Variants in BRPF3 observed in about 807,000 individuals in gnomAD.
BRPF3 encodes the protein bromodomain and PHD finger-containing protein 3.
In BRPF3, 18 loss-of-function variants were observed where a neutral mutation model predicts 102.0. That is an observed-to-expected ratio of 0.18 (90% CI 0.12 to 0.26). The LOEUF (loss-of-function observed/expected upper bound fraction) is 0.26, where lower values mean the gene tolerates loss of function less well. Among genes scored for constraint, BRPF3 ranks in the 10% least tolerant of loss-of-function variants. BRPF3 has a pLI of 1.00. For synonymous variants in BRPF3, 570 were observed against 614.2 expected (o/e 0.93, Z 1.06); for missense variants, 1,147 against 1,567.8 (o/e 0.73, Z 4.53).
chr6:36,207,772 T>G (rs1245659801), intron 4 of BRPF3, among the ~76,000 whole-genome samples: 2 of 152,218 alleles, frequency 1.3e-5, no homozygotes, highest in Non-Finnish European at 2.9e-5. Flanking sequence ...ACCATTCTCA[T>G]GGGCATCATC....
At chr6:36,220,724 A>G (rs1768505369) in intron 9 of BRPF3, among the ~76,000 whole-genome samples, 1 of 152,230 alleles carries the variant, frequency 6.6e-6, no homozygotes. Context: ...ACTAAATCCT[A>G]AATGTAAACT....
At position 36,217,957 on chromosome 6, in the gene BRPF3, T is replaced by G; in HGVS notation, c.3030T>G (p.Ser1010=). 6.2e-7 allele frequency: 1 copy of G among 1,613,862 alleles called. No individual in the cohort carries two copies. The highest frequency in any genetic ancestry group is 1.1e-5 in the South Asian group (1 of 91,016). Residue 1010 remains serine, a synonymous_variant, in exon 9 of 13, where the codon TCT becomes TCG. Transcript: ENST00000357641. The part of the protein sequence containing the change: ...NGFGKHTESG[S]DSECSLGLSG... ...TTGGAAAACACACCGAAAGCGGGTC[T>G]GACTCTGAATGTAGTTTGGGTCTCA...
chr6:36,219,028 A>C (rs529945918), intron 9 of BRPF3, among the ~76,000 whole-genome samples: 109 of 152,264 alleles, frequency 7.2e-4, no homozygotes, highest in Non-Finnish European at 1.4e-3. Context: ...TCATGGCCCC[A>C]CCCATGACTG....
intron 3 of BRPF3, among the ~76,000 whole-genome samples, chr6:36,205,644 A>G (rs1462811339): frequency 6.6e-6 from 1 of 152,160 alleles, no homozygotes. Flanking sequence ...ACTTTGTCTA[A>G]GAGCTTCTCT....
chr6:36,201,201 C>T lies in BRPF3; in HGVS notation c.879C>T (p.Ala293=), dbSNP rs1209347277. The T allele has an allele frequency of 1.2e-5, 19 of 1,614,172 alleles. No homozygotes were observed. The highest frequency in any genetic ancestry group is 1.6e-5 in the Non-Finnish European group (19 of 1,180,038). Residue 293 remains alanine, a synonymous_variant, in exon 2 of 13, where the codon GCC becomes GCT. Coordinates refer to ENST00000357641, the MANE Select transcript of BRPF3 (RefSeq NM_015695.3). This position sits in a 1 kb window ranked among gnomAD's most constrained non-coding sequence, Gnocchi z 5.1. Reference sequence around the variant, plus strand: ...GGCACTGGGCCCATGTGGTGTGTGCCATCTGGATCCCTGAAGTCTGCTTTG... The same window carrying T: ...GGCACTGGGCCCATGTGGTGTGTGCTATCTGGATCCCTGAAGTCTGCTTTG... The part of the protein sequence containing the change: ...SDGHWAHVVC[A]IWIPEVCFAN...
intron 2 of BRPF3, among the ~76,000 whole-genome samples, chr6:36,204,201 G>A (rs1393287052): frequency 1.3e-5 from 2 of 152,196 alleles, no homozygotes; most frequent in Admixed American, 6.5e-5. Flanking sequence ...ATTGGGCTCA[G>A]CCTGGTTGTG....
At chr6:36,221,034 A>G (rs959238778) in intron 9 of BRPF3, among the ~76,000 whole-genome samples, 6 of 152,144 alleles carry the variant, frequency 3.9e-5, no homozygotes, top group African/African-American at 1.4e-4. Context: ...TTAAAGTTAT[A>G]TAGGAGTAAT....
chr6:36,231,779 C>T lies in BRPF3; in HGVS notation c.*1170C>T, dbSNP rs1206046358. 1.3e-5 allele frequency: 2 copies of T among 152,592 alleles called. No homozygotes were observed. The highest frequency in any genetic ancestry group is 2.4e-5 in the African/African-American group (1 of 41,416). 9.5% of individuals were successfully genotyped at this position (152,592 alleles called of 1,614,324 possible). On this transcript the variant is annotated 3_prime_UTR_variant, in exon 13 of 13. Coordinates refer to ENST00000357641, the MANE Select transcript of BRPF3 (RefSeq NM_015695.3). Reference sequence around the variant, plus strand: ...TCCTTCCTTCTTTCTCTTCAACCCCCTCCCCACCTTCACCTTCTCAAAAAT... The same window carrying T: ...TCCTTCCTTCTTTCTCTTCAACCCCTTCCCCACCTTCACCTTCTCAAAAAT...
intron 10 of BRPF3, among the ~76,000 whole-genome samples, chr6:36,224,800 G>C (rs1450614669): frequency 6.6e-6 from 1 of 152,156 alleles, no homozygotes; most frequent in African/African-American, 2.4e-5. Context: ...ACTATGGCCT[G>C]TAGCCTATTT....
At position 36,230,686 on chromosome 6, in the gene BRPF3, G is replaced by A. The variant is rs73415524; in HGVS notation, c.*77G>A. The stretch of plus-strand genomic sequence containing the variant: ...AGAGAAGCCTCTTCTGCCCCTGCCA[G>A]ATGTATGGCCGGCAGCTTCCCCCTC... On this transcript the variant is annotated 3_prime_UTR_variant, in exon 13 of 13. Transcript: ENST00000357641. The surrounding 1 kb of genome is among the most constrained non-coding windows in gnomAD (Gnocchi z 5.4). The A allele has an allele frequency of 6.7e-6, 10 of 1,500,036 alleles. No homozygotes were observed. Among genetic ancestry groups the A allele is most frequent in the Non-Finnish European group, 9.0e-6 (10 of 1,110,406 alleles). 92.9% of individuals were successfully genotyped at this position (1,500,036 alleles called of 1,614,324 possible). A position where few individuals can be genotyped will look rare whatever the true frequency, so the allele number is the denominator to read the frequency against.
Position 36,201,076 on chromosome 6 carries a change from G to A in BRPF3, c.754G>A (p.Gly252Ser), listed in dbSNP as rs1295488272. ...ECYGVPYIPEGQWLCRCCLQS... is the reference protein window; with the variant it reads ...ECYGVPYIPESQWLCRCCLQS... ...CTATGGCGTCCCATACATCCCTGAGGGCCAGTGGCTATGCCGCTGCTGCCT... is the reference window on the plus strand; with the variant it reads ...CTATGGCGTCCCATACATCCCTGAGAGCCAGTGGCTATGCCGCTGCTGCCT... The change falls in exon 2 of 13, where the codon GGC becomes AGC. Residue 252 changes from glycine to serine, a missense_variant. By Grantham distance (56) the Gly-to-Ser change is moderately conservative (BLOSUM62 0). This residue lies in a region of BRPF3 where 221 missense variants were observed against 337.1 expected (regional missense o/e 0.66). Coordinates refer to ENST00000357641, the MANE Select transcript of BRPF3 (RefSeq NM_015695.3). This position sits in a 1 kb window ranked among gnomAD's most constrained non-coding sequence, Gnocchi z 5.1. The A allele has an allele frequency of 1.2e-6, 2 of 1,614,040 alleles. No individual in the cohort carries two copies. The highest frequency in any genetic ancestry group is 1.7e-6 in the Non-Finnish European group (2 of 1,180,010).
At chr6:36,217,683 A>G (rs1479102948) in intron 8 of BRPF3, among the ~76,000 whole-genome samples, 8 of 152,224 alleles carry the variant, frequency 5.3e-5, no homozygotes. Context: ...CAAAAAGCAG[A>G]AGGATGGGAA....
intron 8 of BRPF3, among the ~76,000 whole-genome samples, chr6:36,217,583 T>G (rs1052525498): frequency 1.3e-5 from 2 of 152,180 alleles, no homozygotes; most frequent in African/African-American, 4.8e-5. Flanking sequence ...CAAGGACTTG[T>G]GAGCCAGCCA....
intron 6 of BRPF3, 72 bp from the exon 7 acceptor site, chr6:36,211,186 A>G: frequency 6.8e-7 from 1 of 1,481,080 alleles, no homozygotes; most frequent in Admixed American, 2.0e-5. Flanking sequence ...CATCCGAAGG[A>G]TTCGGCCCCT....
Position 36,209,891 on chromosome 6 carries a change from C to T in BRPF3, c.1842C>T (p.Phe614=), listed in dbSNP as rs768418863. 4.3e-6 allele frequency: 7 copies of T among 1,613,986 alleles called. No individual in the cohort carries two copies. The highest frequency in any genetic ancestry group is 2.2e-5 in the East Asian group (1 of 44,896). ...LLQEKDPAHI[F]AEPVNLSEVP... is the part of the protein sequence containing the mutation. ...AGGAGAAGGATCCTGCACACATCTT[C>T]GCAGAACCAGTCAACTTGAGTGAGG... Residue 614 remains phenylalanine (F), a synonymous_variant, in exon 5 of 13, where the codon TTC becomes TTT. Transcript: ENST00000357641.
Position 36,210,537 on chromosome 6 carries a change from C to A in BRPF3, c.2179+9C>A. 1 of 1,575,056 alleles carries A rather than the reference C, an allele frequency of 6.3e-7. No homozygotes were observed. The highest frequency in any genetic ancestry group is 8.6e-7 in the Non-Finnish European group (1 of 1,167,182). Reference sequence around the variant, plus strand: ...CTTCTCCTGGGAAGACGGTGAGAGGCCTGGATGGGTGGGGAGGAGAGGGGC... The same window carrying A: ...CTTCTCCTGGGAAGACGGTGAGAGGACTGGATGGGTGGGGAGGAGAGGGGC... On this transcript the variant is annotated intron_variant, in intron 6 of 12. Transcript: ENST00000357641. The surrounding 1 kb of genome is among the most constrained non-coding windows in gnomAD (Gnocchi z 4.7).
intron 11 of BRPF3, among the ~76,000 whole-genome samples, chr6:36,226,132 T>A (rs1768731542): frequency 6.6e-6 from 1 of 152,232 alleles, no homozygotes. Context: ...TGATAAACAG[T>A]TGGCAATAAA....
In BRPF3 at chr6:36,210,468, G is replaced by A; in HGVS notation, c.2119G>A (p.Gly707Ser). Residue 707 changes from glycine to serine, a missense_variant, in exon 6 of 13, where the codon GGC becomes AGC. Gly to Ser is a moderately conservative substitution (Grantham distance 56, BLOSUM62 0). Transcript: ENST00000357641. The surrounding 1 kb of genome is among the most constrained non-coding windows in gnomAD (Gnocchi z 4.7). ...GAACATCGGCTATGACCCCGAGAGGGGCACTCACCTGCCCGAGTCACCCAA... is the reference window on the plus strand; with the variant it reads ...GAACATCGGCTATGACCCCGAGAGGAGCACTCACCTGCCCGAGTCACCCAA... ...AENIGYDPERGTHLPESPKLE... is the reference protein window; with the variant it reads ...AENIGYDPERSTHLPESPKLE... 1 of 1,607,048 alleles carries A rather than the reference G, an allele frequency of 6.2e-7. No homozygotes were observed. Among genetic ancestry groups the A allele is most frequent in the Non-Finnish European group, 8.5e-7 (1 of 1,179,928 alleles).
chr6:36,219,258 C>A (rs75428776), intron 9 of BRPF3, among the ~76,000 whole-genome samples: 1 of 152,130 alleles, frequency 6.6e-6, no homozygotes, highest in Non-Finnish European at 1.5e-5. Flanking sequence ...TCCCCTACCC[C>A]CCGCCAACCC....
Sources: allele counts gnomAD v4.1 joint callset (sites outside exome capture counted in the v4.1 genomes callset), GRCh38; gene constraint gnomAD v4.1.1; regional missense constraint gnomAD v4.1.1; non-coding constraint Gnocchi (gnomAD v3.1); transcripts MANE v1.5; gene names NCBI Gene and HGNC (gene_info 2026-07-23, HGNC 2026-07-21).